NRXN3: variants seen among roughly 807,000 people sequenced by gnomAD.
The protein encoded by NRXN3 is neurexin 3, also known as neurexin III.
A neutral mutation model predicts 137.6 loss-of-function variants in NRXN3; 32 were observed. That is an observed-to-expected ratio of 0.23 (90% confidence interval 0.18 to 0.31). NRXN3 has a LOEUF of 0.31. NRXN3 is among the 10% of genes least tolerant of loss of function. The pLI is 1.00. For missense variants in NRXN3, 1,574 were observed against 2,062.5 expected (o/e 0.76, Z 4.59); for synonymous variants, 798 against 784.5 (o/e 1.02, Z -0.29).
Position 78,742,499 on chromosome 14 carries a change from G to A in NRXN3, c.2044+27360G>A, listed in dbSNP as rs998736751. On this transcript the variant is annotated intron_variant, in intron 8 of 20. Transcript: ENST00000335750. ...TGCATGTATATTGTATAAATAGCTTGTTTTGCTTAAGCATTAGTTAAGCAA... is the reference window on the plus strand; with the variant it reads ...TGCATGTATATTGTATAAATAGCTTATTTTGCTTAAGCATTAGTTAAGCAA... Among the ~76,000 whole-genome samples the A allele has an allele frequency of 6.6e-5, 10 of 152,316 alleles. No individual in the cohort carries two copies. The South Asian group carries it at 8.3e-4, about 13-fold the overall frequency.
At chr14:79,650,896 G>A (rs1226955503) in intron 16 of NRXN3, among the ~76,000 whole-genome samples, 1 of 152,180 alleles carries the variant, frequency 6.6e-6, no homozygotes, top group Non-Finnish European at 1.5e-5. Context: ...AGACTGTGGT[G>A]AGGGGATGGC....
At chr14:78,334,728 CTT>C (rs1191388779) in intron 4 of NRXN3, among the ~76,000 whole-genome samples, 3 of 152,082 alleles carry the variant, frequency 2.0e-5, no homozygotes, top group African/African-American at 7.2e-5. Flanking sequence ...GAGAGGGAAA[CTT>C]TGTTAATTCT....
At chr14:78,876,235 G>A (rs1024145696) in intron 10 of NRXN3, among the ~76,000 whole-genome samples, 2 of 152,154 alleles carry the variant, frequency 1.3e-5, no homozygotes, top group Non-Finnish European at 2.9e-5. Flanking sequence ...GTTTTATTGA[G>A]GAGTGATGTT....
intron 16 of NRXN3, among the ~76,000 whole-genome samples, chr14:79,574,006 A>C (rs866016958): frequency 6.6e-6 from 1 of 152,280 alleles, no homozygotes; most frequent in Middle Eastern, 3.4e-3. Context: ...CCATCATTAA[A>C]ATCTTTTCTA....
chr14:78,849,107 T>C (rs573509159), intron 10 of NRXN3, among the ~76,000 whole-genome samples: 7 of 152,204 alleles, frequency 4.6e-5, no homozygotes, highest in African/African-American at 1.7e-4. Context: ...AGGTATTCAT[T>C]ATGAAGCTAG....
chr14:79,850,788 A>T (rs139130966), intron 20 of NRXN3, among the ~76,000 whole-genome samples: 3 of 152,208 alleles, frequency 2.0e-5, no homozygotes, highest in Non-Finnish European at 2.9e-5. Context: ...ATGAACTGCT[A>T]TTAGCAAGCA....
chr14:78,358,640 T>C (rs1012995434), intron 4 of NRXN3, among the ~76,000 whole-genome samples: 2 of 152,178 alleles, frequency 1.3e-5, no homozygotes, highest in African/African-American at 4.8e-5. Flanking sequence ...TAAGAACGTT[T>C]GGGTAGCTAC....
intron 10 of NRXN3, among the ~76,000 whole-genome samples, chr14:78,924,282 A>G (rs952588339): frequency 6.6e-6 from 1 of 152,248 alleles, no homozygotes; most frequent in Non-Finnish European, 1.5e-5. Flanking sequence ...TGAGTATAGT[A>G]GTGAACAATT....
chr14:78,598,725 G>A (rs766545104), intron 4 of NRXN3, among the ~76,000 whole-genome samples: 1 of 152,242 alleles, frequency 6.6e-6, no homozygotes, highest in Non-Finnish European at 1.5e-5. Context: ...AGTTGTAGCA[G>A]AGGGAGCCAA....
intron 9 of NRXN3, among the ~76,000 whole-genome samples, chr14:78,806,418 A>G (rs1323609866): frequency 6.6e-6 from 1 of 152,178 alleles, no homozygotes; most frequent in Non-Finnish European, 1.5e-5. Flanking sequence ...CAATTACAGA[A>G]GAAAATGTAT....
chr14:79,260,831 A>G (rs1182321079), intron 15 of NRXN3, among the ~76,000 whole-genome samples: 1 of 152,172 alleles, frequency 6.6e-6, no homozygotes, highest in Non-Finnish European at 1.5e-5. Context: ...TGTCCTAGTC[A>G]AGAGATACTA....
At chr14:79,535,144 G>A (rs17836172) in intron 16 of NRXN3, among the ~76,000 whole-genome samples, 8,377 of 152,182 alleles carry the variant, frequency 0.055, 345 homozygotes, top group Admixed American at 0.12. Flanking sequence ...TATCCTGGAG[G>A]AACACCTGAA....
intron 4 of NRXN3, among the ~76,000 whole-genome samples, chr14:78,319,284 G>A (rs74750926): frequency 2.0e-3 from 302 of 152,312 alleles, no homozygotes; most frequent in African/African-American, 7.0e-3. Context: ...GAAGTGGGGC[G>A]TCAGTCTGCC....
At chr14:79,208,394 C>T (rs1237717568) in intron 15 of NRXN3, among the ~76,000 whole-genome samples, 5 of 152,098 alleles carry the variant, frequency 3.3e-5, no homozygotes, top group African/African-American at 9.7e-5. Flanking sequence ...AACATCTGTA[C>T]CCCAATTTTT....
chr14:78,439,902 A>G (rs369180280), intron 4 of NRXN3, among the ~76,000 whole-genome samples: 5 of 152,190 alleles, frequency 3.3e-5, no homozygotes, highest in Non-Finnish European at 2.9e-5. Flanking sequence ...CTTCTATTCC[A>G]GTCTGCCTAC....
intron 11 of NRXN3, among the ~76,000 whole-genome samples, chr14:78,960,387 T>C (rs571126582): frequency 1.3e-5 from 2 of 152,326 alleles, no homozygotes; most frequent in South Asian, 2.1e-4. Flanking sequence ...TAGTATCTCA[T>C]TGGCTTATTT....
intron 19 of NRXN3, among the ~76,000 whole-genome samples, chr14:79,739,506 T>C (rs1390032011): frequency 2.0e-5 from 3 of 151,528 alleles, no homozygotes; most frequent in South Asian, 2.1e-4. Context: ...TAGCCAGGCA[T>C]GGTGGTGGGC....
At chr14:78,482,114 A>T (rs949380338) in intron 4 of NRXN3, among the ~76,000 whole-genome samples, 2 of 152,192 alleles carry the variant, frequency 1.3e-5, no homozygotes, top group Non-Finnish European at 2.9e-5. Context: ...TTCATTTCCC[A>T]CAAGTGCAAA....
At chr14:79,062,008 A>G (rs1300644109) in intron 15 of NRXN3, among the ~76,000 whole-genome samples, 1 of 152,242 alleles carries the variant, frequency 6.6e-6, no homozygotes, top group Non-Finnish European at 1.5e-5. Context: ...GGAAGCTGTT[A>G]GGAAATCCTC....
Sources: gnomAD v4.1 joint callset for allele counts (sites outside exome capture counted in the v4.1 genomes callset) on GRCh38, gnomAD v4.1.1 for gene constraint, MANE v1.5 for transcripts, NCBI Gene and HGNC (gene_info 2026-07-23, HGNC 2026-07-21) for gene names.